The following BIRC6 variants were observed in gnomAD, a reference collection of about 807,000 sequenced individuals.
BIRC6 encodes baculoviral IAP repeat containing 6, also known as dual E2 ubiquitin-conjugating enzyme/E3 ubiquitin-protein ligase BIRC6.
A neutral mutation model predicts 503.3 loss-of-function variants in BIRC6; 98 were observed. The ratio of observed to expected loss-of-function variants is 0.19; its 90% CI spans 0.17 to 0.23. The LOEUF (loss-of-function observed/expected upper bound fraction) is 0.23, where lower values mean the gene tolerates loss of function less well. BIRC6 is among the 10% of genes least tolerant of loss of function. BIRC6 has a pLI of 1.00. For missense variants in BIRC6, 5,360 were observed against 5,806.0 expected (o/e 0.92, Z 2.50); for synonymous variants, 2,240 against 2,078.7 (o/e 1.08, Z -2.11).
intron 71 of BIRC6, among the ~76,000 whole-genome samples, chr2:32,604,970 C>T (rs753766936): frequency 6.6e-6 from 1 of 150,790 alleles, no homozygotes; most frequent in African/African-American, 2.4e-5. Flanking sequence ...ACAACCTCTG[C>T]GTCTCGGGTT....
At chr2:32,613,924 C>T (rs1251833577) in intron 73 of BIRC6, among the ~76,000 whole-genome samples, 1 of 151,954 alleles carries the variant, frequency 6.6e-6, no homozygotes, top group Admixed American at 6.6e-5. Flanking sequence ...TTCATTGTGT[C>T]TGTAACCCTG....
At chr2:32,508,416 T>C (rs1197053503) in intron 51 of BIRC6, among the ~76,000 whole-genome samples, 157 bp downstream of exon 51, 1 of 151,496 alleles carries the variant, frequency 6.6e-6, no homozygotes, top group Non-Finnish European at 1.5e-5. Context: ...TTAGGTGTAA[T>C]AGAGACAGTT....
At chr2:32,393,198 A>T (rs984036129) in intron 5 of BIRC6, among the ~76,000 whole-genome samples, 11 of 152,154 alleles carry the variant, frequency 7.2e-5, no homozygotes, top group Admixed American at 3.9e-4. Flanking sequence ...TCTGTGCATT[A>T]AAGAACTGAT....
intron 65 of BIRC6, chr2:32,566,158 T>C (rs2059520284): frequency 6.6e-6 from 1 of 152,188 alleles, no homozygotes; most frequent in African/African-American, 2.4e-5. Flanking sequence ...CAAAATGACA[T>C]TATAGTACTT....
intron 23 of BIRC6, among the ~76,000 whole-genome samples, chr2:32,462,689 G>A (rs147112711): frequency 2.2e-4 from 34 of 152,252 alleles, no homozygotes; most frequent in Admixed American, 3.9e-4. Context: ...GGGCGTGGTG[G>A]CTCACACCTG....
At chr2:32,417,189 G>A (rs2042470760) in intron 10 of BIRC6, among the ~76,000 whole-genome samples, 1 of 152,086 alleles carries the variant, frequency 6.6e-6, no homozygotes, top group Non-Finnish European at 1.5e-5. Flanking sequence ...GAGTGCAGTG[G>A]CATGATCTCA....
rs572056035 is a variant in BIRC6 at position 32,377,557 on chromosome 2, C to A, written c.326-31C>A. 13 of 1,550,076 alleles carry A rather than the reference C, an allele frequency of 8.4e-6. No individual in the cohort carries two copies. The East Asian group carries it at 2.8e-4, about 33-fold the overall frequency. On this transcript the variant is annotated intron_variant, in intron 1 of 73. Transcript: ENST00000421745. ...TTTAATAGACCATTGGCCTGAAAAT[C>A]TTAAGTGTTGAATTTTTGTTCTTTT... is the stretch of plus-strand genomic sequence containing the variant.
intron 65 of BIRC6, among the ~76,000 whole-genome samples, chr2:32,571,985 G>A (rs2059946085): frequency 6.6e-6 from 1 of 152,108 alleles, no homozygotes; most frequent in Non-Finnish European, 1.5e-5. Flanking sequence ...TTGACCCAGT[G>A]ATCATTCAGT....
chr2:32,478,264 G>C, intron 35 of BIRC6, among the ~76,000 whole-genome samples: 1 of 151,880 alleles, frequency 6.6e-6, no homozygotes, highest in Non-Finnish European at 1.5e-5. Flanking sequence ...TTGAACCTGG[G>C]GGCGATGAGG....
intron 71 of BIRC6, among the ~76,000 whole-genome samples, chr2:32,605,136 G>C (rs895577986): frequency 1.3e-5 from 2 of 152,188 alleles, no homozygotes; most frequent in Non-Finnish European, 2.9e-5. Flanking sequence ...GTCTGCCTCA[G>C]CCTCCCAAAG....
At chr2:32,448,949 A>C in intron 22 of BIRC6, 21 bp downstream of exon 22, 1 of 1,599,766 alleles carries the variant, frequency 6.3e-7, no homozygotes, top group Non-Finnish European at 8.5e-7. Flanking sequence ...CTTTTATTAA[A>C]GGAAATTCTG....
At chr2:32,593,244 C>T (rs1391484508) in intron 66 of BIRC6, among the ~76,000 whole-genome samples, 1 of 152,058 alleles carries the variant, frequency 6.6e-6, no homozygotes, top group African/African-American at 2.4e-5. Context: ...TTCAGTGACT[C>T]TTGTATTAAA....
At chr2:32,394,156 T>C (rs1222865923) in intron 5 of BIRC6, among the ~76,000 whole-genome samples, 5 of 138,338 alleles carry the variant, frequency 3.6e-5, no homozygotes, top group Non-Finnish European at 7.6e-5. Context: ...GATGCCTTGA[T>C]TTTTTTTTTT....
At chr2:32,568,205 G>A (rs1177927311) in intron 65 of BIRC6, among the ~76,000 whole-genome samples, 3 of 145,752 alleles carry the variant, frequency 2.1e-5, no homozygotes, top group Non-Finnish European at 4.5e-5. Flanking sequence ...TTTTTTTTCA[G>A]GATAATCTAT....
chr2:32,441,012 G>T (rs2045371806), intron 16 of BIRC6, among the ~76,000 whole-genome samples: 1 of 152,040 alleles, frequency 6.6e-6, no homozygotes, highest in East Asian at 1.9e-4. Context: ...TGTCTGCCTC[G>T]GCCTCCCAAA....
chr2:32,597,727 T>C (rs1388865365), intron 68 of BIRC6, 24 bp from the exon 69 acceptor site: 1 of 1,575,652 alleles, frequency 6.3e-7, no homozygotes, highest in Admixed American at 1.7e-5. Flanking sequence ...CAGTTCTGGG[T>C]TTTATTTTTT....
rs1347253067 is a variant in BIRC6 at position 32,516,795 on chromosome 2, G to A, written c.11349+1025G>A. 4.6e-5 allele frequency among the ~76,000 whole-genome samples: 7 copies of A among 151,894 alleles called. No homozygotes were observed. In the East Asian group the frequency reaches 1.4e-3, roughly 29 times the overall value. ...CTTTTGGTTACCTCACGTGACCTTG[G>A]GCATATTGGTTAATCTTATAACATG... is the stretch of plus-strand genomic sequence containing the variant. On this transcript the variant is annotated intron_variant, in intron 55 of 73. Transcript: ENST00000421745.
intron 5 of BIRC6, among the ~76,000 whole-genome samples, chr2:32,392,690 A>G (rs1048186519): frequency 3.3e-5 from 5 of 151,974 alleles, no homozygotes; most frequent in Admixed American, 6.6e-5. Flanking sequence ...TGGCCCTATC[A>G]CCACTCACTT....
intron 59 of BIRC6, chr2:32,526,446 T>A (rs988341022): frequency 6.6e-6 from 1 of 152,054 alleles, no homozygotes; most frequent in Non-Finnish European, 1.5e-5. Flanking sequence ...GTAACAATGA[T>A]AAAAAGAGGA....
Sources: allele counts gnomAD v4.1 joint callset (sites outside exome capture counted in the v4.1 genomes callset), GRCh38; gene constraint gnomAD v4.1.1; transcripts MANE v1.5; gene names NCBI Gene and HGNC (gene_info 2026-07-23, HGNC 2026-07-21).